The following HMGB1 variants were observed in gnomAD, a reference collection of about 807,000 sequenced individuals.
HMGB1 encodes the protein high mobility group protein B1.
For missense variants in HMGB1, 79 were observed against 253.5 expected, an observed-to-expected ratio of 0.31 and a Z score of 4.67; for synonymous variants, 81 against 84.0, an observed-to-expected ratio of 0.96 and a Z score of 0.19.
intron 1 of HMGB1, chr13:30,553,697 C>A: frequency 1.1e-6 from 1 of 939,014 alleles, no homozygotes. Flanking sequence ...AGCGGGAGTT[C>A]AAGGAGTTGG....
At chr13:30,533,999 G>C (rs1888556139) in intron 1 of HMGB1, among the ~76,000 whole-genome samples, 1 of 151,930 alleles carries the variant, frequency 6.6e-6, no homozygotes, top group East Asian at 1.9e-4. Context: ...CAAGTAGCTG[G>C]GATTACAGGC....
At chr13:30,555,477 G>T (rs1253555401) in intron 1 of HMGB1, among the ~76,000 whole-genome samples, 1 of 152,078 alleles carries the variant, frequency 6.6e-6, no homozygotes, top group Non-Finnish European at 1.5e-5. Flanking sequence ...TTGTTAAAGA[G>T]TCAAAAAAAT....
intron 1 of HMGB1, among the ~76,000 whole-genome samples, chr13:30,514,185 T>C (rs908556620): frequency 1.3e-5 from 2 of 152,014 alleles, no homozygotes; most frequent in Non-Finnish European, 2.9e-5. Flanking sequence ...GTAGGATTTT[T>C]GTAATGATTG....
chr13:30,549,711 G>GTT (rs58245075), intron 1 of HMGB1, among the ~76,000 whole-genome samples: 13 of 135,700 alleles, frequency 9.6e-5, no homozygotes, highest in African/African-American at 3.4e-4. Flanking sequence ...CTAATTGTTT[G>GTT]TTTTTTTTTT....
intron 1 of HMGB1, among the ~76,000 whole-genome samples, chr13:30,585,937 C>T (rs1273055490): frequency 6.6e-6 from 1 of 152,184 alleles, no homozygotes; most frequent in Admixed American, 6.5e-5. Flanking sequence ...TCCTCTTGAT[C>T]CACTTATCTT....
At chr13:30,487,390 C>T (rs1887388482) in intron 1 of HMGB1, among the ~76,000 whole-genome samples, 3 of 152,318 alleles carry the variant, frequency 2.0e-5, no homozygotes, top group Admixed American at 2.0e-4. Flanking sequence ...GAACAGGCTT[C>T]TTTATGTGGT....
chr13:30,496,529 A>G (rs1887613021), intron 1 of HMGB1, among the ~76,000 whole-genome samples: 1 of 152,232 alleles, frequency 6.6e-6, no homozygotes, highest in African/African-American at 2.4e-5. Context: ...GACACTGTGC[A>G]TCAAACAAAA....
At chr13:30,544,511 A>G (rs1488374312) in intron 1 of HMGB1, among the ~76,000 whole-genome samples, 3 of 152,212 alleles carry the variant, frequency 2.0e-5, no homozygotes, top group Non-Finnish European at 2.9e-5. Flanking sequence ...CATCATGCCT[A>G]TGTAATGACG....
At chr13:30,505,868 C>T (rs575879284) in intron 1 of HMGB1, among the ~76,000 whole-genome samples, 11 of 152,148 alleles carry the variant, frequency 7.2e-5, no homozygotes, top group Non-Finnish European at 1.2e-4. Flanking sequence ...AGTCTGAGGA[C>T]ATCAAGTAGA....
intron 1 of HMGB1, chr13:30,464,370 G>A (rs1886572795): frequency 1.3e-5 from 13 of 985,486 alleles, no homozygotes; most frequent in African/African-American, 1.7e-5. Flanking sequence ...ACAAGGATGA[G>A]GGACAAAAGC....
At chr13:30,582,278 A>T (rs1304328075) in intron 1 of HMGB1, among the ~76,000 whole-genome samples, 1 of 152,242 alleles carries the variant, frequency 6.6e-6, no homozygotes, top group Non-Finnish European at 1.5e-5. Context: ...CTTTAAAAAC[A>T]CATTATTTAA....
intron 1 of HMGB1, among the ~76,000 whole-genome samples, chr13:30,499,056 G>T (rs1887678835): frequency 6.6e-6 from 1 of 151,688 alleles, no homozygotes; most frequent in Non-Finnish European, 1.5e-5. Context: ...GGGTTCAAGT[G>T]ATTTTCCTGC....
At chr13:30,548,367 G>A (rs1869266659) in intron 1 of HMGB1, among the ~76,000 whole-genome samples, 1 of 152,236 alleles carries the variant, frequency 6.6e-6, no homozygotes, top group African/African-American at 2.4e-5. Context: ...GGCCTCCCCA[G>A]CCATGCTGAA....
intron 1 of HMGB1, among the ~76,000 whole-genome samples, chr13:30,529,341 GAC>G (rs1034291955): frequency 1.6e-4 from 25 of 152,102 alleles, no homozygotes; most frequent in Non-Finnish European, 2.9e-4. Context: ...CTTTATCATT[GAC>G]TTATGCTGGG....
intron 1 of HMGB1, among the ~76,000 whole-genome samples, chr13:30,586,479 G>GTT (rs11315470): frequency 1.0e-4 from 11 of 105,066 alleles, no homozygotes; most frequent in Non-Finnish European, 1.6e-4. Context: ...GGTTTTTTTT[G>GTT]TTTTTTTTTT....
At chr13:30,560,663 T>G (rs928818488) in intron 1 of HMGB1, among the ~76,000 whole-genome samples, 1 of 152,128 alleles carries the variant, frequency 6.6e-6, no homozygotes, top group Non-Finnish European at 1.5e-5. Context: ...GGGGTTGGGC[T>G]TAAAGAGGTA....
At chr13:30,597,689 T>G (rs1871677943) in intron 1 of HMGB1, among the ~76,000 whole-genome samples, 1 of 152,216 alleles carries the variant, frequency 6.6e-6, no homozygotes, top group Non-Finnish European at 1.5e-5. Flanking sequence ...GCACACTTTT[T>G]CTGCAAAAGG....
intron 1 of HMGB1, among the ~76,000 whole-genome samples, chr13:30,587,677 T>A (rs1871211002): frequency 6.6e-6 from 1 of 152,222 alleles, no homozygotes; most frequent in Non-Finnish European, 1.5e-5. Context: ...AATACTAAGA[T>A]GTGATGCTCA....
chr13:30,568,368 G>A (rs907765670), intron 1 of HMGB1, among the ~76,000 whole-genome samples: 2 of 152,144 alleles, frequency 1.3e-5, no homozygotes, highest in Non-Finnish European at 2.9e-5. Flanking sequence ...TTAGCTAGGT[G>A]TGGTGGCATG....
Sources: allele counts gnomAD v4.1 joint callset (sites outside exome capture counted in the v4.1 genomes callset), GRCh38; gene constraint gnomAD v4.1.1; transcripts MANE v1.5; gene names NCBI Gene and HGNC (gene_info 2026-07-23, HGNC 2026-07-21).